CFAP184: variants seen among roughly 807,000 people sequenced by gnomAD.
CFAP184 encodes cilia and flagella associated protein 184.
the CFAP184 span, chr4:7,042,172 G>A: frequency 3.8e-6 from 6 of 1,598,394 alleles, no homozygotes; most frequent in Non-Finnish European, 4.3e-6. Context: ...TCTGCGCAGC[G>A]CCTCGAAGAT....
the CFAP184 span, chr4:7,042,870 C>T: frequency 1.3e-6 from 2 of 1,568,634 alleles, no homozygotes; most frequent in East Asian, 2.3e-5. Context: ...TGGACGGCCG[C>T]GCGGCCAGGC....
At chr4:7,041,809 AGCC>A in the CFAP184 span, 16 of 1,610,930 alleles carry the variant, frequency 9.9e-6, no homozygotes, top group Non-Finnish European at 1.4e-5. Flanking sequence ...AATGTTCTCC[AGCC>A]GCACGGCGCT....
the CFAP184 span, chr4:7,042,739 G>A: frequency 2.6e-6 from 4 of 1,523,308 alleles, no homozygotes; most frequent in South Asian, 1.2e-5. Context: ...CGGGGCCTCG[G>A]CCTGCTCGTC....
chr4:7,042,441 C>A, the CFAP184 span: 40 of 1,611,704 alleles, frequency 2.5e-5, no homozygotes, highest in African/African-American at 3.2e-4. Flanking sequence ...CTTCCTCCCC[C>A]TCCACCCGCT....
At chr4:7,042,571 T>G in the CFAP184 span, 1 of 1,559,762 alleles carries the variant, frequency 6.4e-7, no homozygotes, top group South Asian at 1.2e-5. Context: ...CGCCCCCGCC[T>G]CCGCCTCTAG....
chr4:7,041,407 A>G, the CFAP184 span: 2 of 1,614,198 alleles, frequency 1.2e-6, no homozygotes, highest in Middle Eastern at 1.6e-4. Context: ...CTTTTCTTCC[A>G]AGTCCCGAAG....
the CFAP184 span, chr4:7,042,600 G>A: frequency 1.3e-6 from 2 of 1,528,314 alleles, no homozygotes; most frequent in Non-Finnish European, 8.7e-7. Flanking sequence ...GCCCGGCTCC[G>A]GGCTCCGGCT....
At chr4:7,041,444 A>G in the CFAP184 span, 12 of 1,614,068 alleles carry the variant, frequency 7.4e-6, no homozygotes, top group Middle Eastern at 1.6e-4. Flanking sequence ...AGAAGGCCGC[A>G]CTTCTGATTC....
At chr4:7,042,252 C>A in the CFAP184 span, 1 of 1,595,454 alleles carries the variant, frequency 6.3e-7, no homozygotes, top group Admixed American at 1.7e-5. Context: ...GGTACTGGTC[C>A]AGGAGGTCGC....
chr4:7,042,593 C>CG, the CFAP184 span: 1 of 1,534,548 alleles, frequency 6.5e-7, no homozygotes, highest in Non-Finnish European at 8.7e-7. Context: ...TCCTCGGGCC[C>CG]GGCTCCGGGC....
At chr4:7,041,718 G>T in the CFAP184 span, 1 of 1,614,186 alleles carries the variant, frequency 6.2e-7, no homozygotes, top group South Asian at 1.1e-5. Flanking sequence ...GCTGTTCAAA[G>T]TCAATAAGAA....
chr4:7,041,368 C>G, the CFAP184 span: 1 of 1,614,226 alleles, frequency 6.2e-7, no homozygotes, highest in Non-Finnish European at 8.5e-7. Flanking sequence ...GGATTCCAGG[C>G]GCCGGTGAAG....
the CFAP184 span, chr4:7,042,444 C>T: frequency 6.2e-6 from 10 of 1,611,548 alleles, no homozygotes; most frequent in African/African-American, 8.0e-5. Flanking sequence ...CCTCCCCCTC[C>T]ACCCGCTCTG....
the CFAP184 span, chr4:7,041,191 T>C: frequency 1.3e-6 from 2 of 1,501,082 alleles, no homozygotes; most frequent in South Asian, 2.8e-5. Context: ...CAGGCCTTTT[T>C]AATAGCAACG....
the CFAP184 span, chr4:7,041,859 C>T: frequency 6.2e-7 from 1 of 1,610,298 alleles, no homozygotes; most frequent in Non-Finnish European, 8.5e-7. Flanking sequence ...ACGCCTGGAT[C>T]TGCTCCACCT....
the CFAP184 span, chr4:7,041,851 G>T: frequency 3.1e-6 from 5 of 1,609,700 alleles, no homozygotes; most frequent in South Asian, 1.1e-5. Flanking sequence ...ATCCTCCAAC[G>T]CCTGGATCTG....
the CFAP184 span, chr4:7,042,197 A>G: frequency 6.2e-7 from 1 of 1,600,150 alleles, no homozygotes; most frequent in Admixed American, 1.7e-5. Context: ...TGCTGCAGGT[A>G]TAGGTTGTAG....
the CFAP184 span, chr4:7,041,574 C>G: frequency 1.9e-6 from 3 of 1,614,264 alleles, no homozygotes; most frequent in Admixed American, 5.0e-5. Context: ...ACGCGTTCTC[C>G]ATGTCCATGA....
chr4:7,041,229 C>T, the CFAP184 span: 1 of 1,526,134 alleles, frequency 6.6e-7, no homozygotes, highest in Non-Finnish European at 8.8e-7. Flanking sequence ...GACAGCACGT[C>T]CTGAGGATGA....
Sources: gnomAD v4.1 joint callset for allele counts on GRCh38, gnomAD v4.1.1 for gene constraint, MANE v1.5 for transcripts, NCBI Gene and HGNC (gene_info 2026-07-23, HGNC 2026-07-21) for gene names.